Variants in SYTL3 observed in about 807,000 individuals in gnomAD.
SYTL3 encodes the protein synaptotagmin like 3.
Under a neutral mutation model 82.1 loss-of-function variants are expected in SYTL3, and 88 were observed. That is an observed-to-expected ratio of 1.07 (90% CI 0.90 to 1.28). The LOEUF (loss-of-function observed/expected upper bound fraction) is 1.28. Among genes scored for constraint, SYTL3 ranks in the 50% most tolerant of loss-of-function variants. The pLI is 0.00. For missense variants in SYTL3, 831 were observed against 757.6 expected, an observed-to-expected ratio of 1.10 and a Z score of -1.14; for synonymous variants, 311 against 289.4, an observed-to-expected ratio of 1.07 and a Z score of -0.76.
chr6:158,673,542 C>A (rs2128387704), intron 5 of SYTL3, among the ~76,000 whole-genome samples: 1 of 151,172 alleles, frequency 6.6e-6, no homozygotes, highest in East Asian at 2.0e-4. Context: ...CAGGTTCACG[C>A]CATTCTCCTG....
intron 12 of SYTL3, among the ~76,000 whole-genome samples, chr6:158,749,197 C>A (rs2128521519): frequency 6.6e-6 from 1 of 151,208 alleles, no homozygotes; most frequent in East Asian, 1.9e-4. Context: ...TGCACTCCAG[C>A]CTGGGTGACA....
chr6:158,720,178 G>A lies in SYTL3; in HGVS notation c.720+1967G>A, dbSNP rs1783914550. ...GCACTCTGGGAGGCTGAAGTGGGTG[G>A]ATCACCTGAGTTCAGGCGTTCGAGA... is the stretch of plus-strand genomic sequence containing the variant. On this transcript the variant is annotated intron_variant, in intron 10 of 17. Transcript: ENST00000611299. Among the ~76,000 whole-genome samples, 3 of 152,214 alleles carry A rather than the reference G, an allele frequency of 2.0e-5. No individual in the cohort carries two copies. The South Asian group carries it at 6.2e-4, about 32-fold the overall frequency.
In SYTL3 at chr6:158,718,209, AG is replaced by A; in HGVS notation, c.720+1del. 6.5e-7 allele frequency: 1 copy of A among 1,529,944 alleles called. No individual in the cohort carries two copies. Among genetic ancestry groups the A allele is most frequent in the Non-Finnish European group, 8.8e-7 (1 of 1,136,128 alleles). 94.8% of individuals were successfully genotyped at this position (1,529,944 alleles called of 1,614,324 possible). A position where few individuals can be genotyped will look rare whatever the true frequency, so the allele number is the denominator to read the frequency against. On this transcript the variant is annotated frameshift_variant and splice_region_variant, in exon 10 of 18. Transcript: ENST00000611299. LOFTEE classifies it high-confidence loss of function. ...QSDTAVNVTT[R>X]KVSAPDILKP... ...TGACACTGCGGTCAACGTCACCACC[AG>A]GGTACCCTGAGCCCCACAAGGCCTC...
intron 11 of SYTL3, among the ~76,000 whole-genome samples, chr6:158,733,148 T>C (rs530585004): frequency 6.6e-6 from 1 of 152,188 alleles, no homozygotes; most frequent in Non-Finnish European, 1.5e-5. Flanking sequence ...CTGTTAGATA[T>C]AGAGAAATAA....
intron 6 of SYTL3, among the ~76,000 whole-genome samples, chr6:158,693,398 G>C (rs1205837897): frequency 6.6e-6 from 1 of 151,844 alleles, no homozygotes; most frequent in Non-Finnish European, 1.5e-5. Context: ...GTTTTGTTTT[G>C]TTCTGCTGAC....
rs528469145 is a variant in SYTL3 at position 158,700,810 on chromosome 6, G to A, written c.395-6420G>A. On this transcript the variant is annotated intron_variant, in intron 6 of 17. Coordinates refer to ENST00000611299, the MANE Select transcript of SYTL3 (RefSeq NM_001242394.2). ...TTTTTGTACTTTTAGTAGAGACGGGGTTTCACTGTGTTAGCCAGGATGGTC... is the reference window on the plus strand; with the variant it reads ...TTTTTGTACTTTTAGTAGAGACGGGATTTCACTGTGTTAGCCAGGATGGTC... Among the ~76,000 whole-genome samples, 18 of 152,148 alleles carry A rather than the reference G, an allele frequency of 1.2e-4. No individual in the cohort carries two copies. In the South Asian group the frequency reaches 3.1e-3, roughly 26 times the overall value.
chr6:158,677,878 T>TTTG (rs558340412), intron 5 of SYTL3, among the ~76,000 whole-genome samples: 84 of 152,008 alleles, frequency 5.5e-4, no homozygotes, highest in South Asian at 4.0e-3. Flanking sequence ...TGCTGCTGCT[T>TTTG]TTGTTGTTGT....
chr6:158,675,263 AG>A, intron 5 of SYTL3, among the ~76,000 whole-genome samples: 1 of 152,190 alleles, frequency 6.6e-6, no homozygotes, highest in South Asian at 2.1e-4. Context: ...TGTGACAGAG[AG>A]GGGGGCACCT....
chr6:158,698,862 G>T (rs1780848746), intron 6 of SYTL3, among the ~76,000 whole-genome samples: 3 of 152,330 alleles, frequency 2.0e-5, no homozygotes, highest in South Asian at 2.1e-4. Flanking sequence ...TCCCATGGAG[G>T]CTCCGTTTAG....
intron 11 of SYTL3, among the ~76,000 whole-genome samples, chr6:158,736,788 C>CAA (rs56148264): frequency 2.9e-4 from 18 of 62,668 alleles, no homozygotes; most frequent in African/African-American, 7.1e-4. Context: ...GACTCTGTCT[C>CAA]AAAAAAAAAA....
At chr6:158,751,424 C>T (rs1044232566) in intron 12 of SYTL3, among the ~76,000 whole-genome samples, 7 of 152,168 alleles carry the variant, frequency 4.6e-5, no homozygotes, top group South Asian at 2.1e-4. Flanking sequence ...TGTCATGCTG[C>T]GTGCGACCTC....
chr6:158,666,899 G>A (rs1790127302), intron 5 of SYTL3, among the ~76,000 whole-genome samples: 1 of 152,228 alleles, frequency 6.6e-6, no homozygotes, highest in South Asian at 2.1e-4. Context: ...AGCGTGCCAA[G>A]TCGCACGGAC....
chr6:158,756,476 G>A (rs1433718599), intron 13 of SYTL3, among the ~76,000 whole-genome samples: 1 of 152,158 alleles, frequency 6.6e-6, no homozygotes, highest in African/African-American at 2.4e-5. Flanking sequence ...TTGGGAGGCC[G>A]AGGCAGGTGG....
chr6:158,714,489 G>C (rs892786953), intron 9 of SYTL3, among the ~76,000 whole-genome samples: 1 of 152,186 alleles, frequency 6.6e-6, no homozygotes, highest in Non-Finnish European at 1.5e-5. Context: ...CTTGGTAAAT[G>C]TATTTTCTTC....
At chr6:158,718,052 G>T (rs867885164) in intron 9 of SYTL3, 35 bp from the exon 10 acceptor site, 1 of 1,482,242 alleles carries the variant, frequency 6.7e-7, no homozygotes, top group Non-Finnish European at 9.0e-7. Context: ...AAAGCTGCTT[G>T]TTCCCACCCA....
chr6:158,654,492 A>G (rs1268482301), intron 2 of SYTL3, among the ~76,000 whole-genome samples: 5 of 152,110 alleles, frequency 3.3e-5, no homozygotes, highest in Admixed American at 6.5e-5. Context: ...AGTTTTCCCC[A>G]TGGCTGCCCG....
chr6:158,764,221 C>T (rs1790429078), intron 17 of SYTL3, among the ~76,000 whole-genome samples: 1 of 152,248 alleles, frequency 6.6e-6, no homozygotes. Context: ...GGTGAAGACC[C>T]AGCCCACCAA....
intron 8 of SYTL3, among the ~76,000 whole-genome samples, chr6:158,711,625 A>C (rs536711782): frequency 1.3e-5 from 2 of 152,344 alleles, no homozygotes; most frequent in Non-Finnish European, 2.9e-5. Context: ...AGTGAAAGCA[A>C]GTTTATTAGG....
At position 158,710,776 on chromosome 6, in the gene SYTL3, T is replaced by TC. The variant is rs1782675223; in HGVS notation, c.516+2385_516+2386insC. 4.6e-5 allele frequency among the ~76,000 whole-genome samples: 7 copies of TC among 151,852 alleles called. No homozygotes were observed. The South Asian group carries it at 1.5e-3, about 32-fold the overall frequency. ...GAGAGTGGTTGTGGTCTAAGCTTTT[T>TC]TTTTTTTTGCTTTTTTCTTTTTTTG... is the stretch of plus-strand genomic sequence containing the variant. On this transcript the variant is annotated intron_variant, in intron 8 of 17. Transcript: ENST00000611299.
Sources: gnomAD v4.1 joint callset for allele counts (sites outside exome capture counted in the v4.1 genomes callset) on GRCh38, gnomAD v4.1.1 for gene constraint, MANE v1.5 for transcripts, NCBI Gene and HGNC (gene_info 2026-07-23, HGNC 2026-07-21) for gene names.